The following KIF5C variants were observed in gnomAD, a reference collection of about 807,000 sequenced individuals.
KIF5C encodes kinesin family member 5C.
In KIF5C, 18 loss-of-function variants were observed where a neutral mutation model predicts 125.2. The observed-to-expected ratio is 0.14, with a 90% CI of 0.10 to 0.21. The LOEUF (loss-of-function observed/expected upper bound fraction) is 0.21. KIF5C is among the 10% of genes least tolerant of loss of function. The pLI, the probability that KIF5C is intolerant of heterozygous loss-of-function variation, is 1.00. For missense variants in KIF5C, 780 were observed against 1,183.8 expected, an observed-to-expected ratio of 0.66 and a Z score of 5.01; for synonymous variants, 405 against 434.0, an observed-to-expected ratio of 0.93 and a Z score of 0.83.
intron 25 of KIF5C, among the ~76,000 whole-genome samples, chr2:149,017,962 G>A (rs4283384): frequency 0.066 from 9,971 of 152,176 alleles, 919 homozygotes; most frequent in African/African-American, 0.2. Context: ...CCCGGAGTGC[G>A]TTGCTTCTTG....
At chr2:148,951,950 G>A (rs181072357) in intron 10 of KIF5C, among the ~76,000 whole-genome samples, 15 of 152,310 alleles carry the variant, frequency 9.8e-5, no homozygotes, top group African/African-American at 2.6e-4. Context: ...TTACACAGCC[G>A]TGGCACCTGT....
At chr2:149,004,011 C>T (rs947541746) in intron 21 of KIF5C, among the ~76,000 whole-genome samples, 9 of 152,224 alleles carry the variant, frequency 5.9e-5, no homozygotes, top group Admixed American at 2.0e-4. Flanking sequence ...GGGCCTGGGA[C>T]AGTGTGTCTG....
At position 148,968,757 on chromosome 2, in the gene KIF5C, AT is replaced by A. The variant is rs202023894; in HGVS notation, c.1118-4578del. The stretch of plus-strand genomic sequence containing the variant: ...TGCTATTTGCATGCAAAATAATCTC[AT>A]AAAAGAATGATTTTTTTTTTTTAAC... On this transcript the variant is annotated intron_variant, in intron 11 of 25. Transcript: ENST00000435030. Among the ~76,000 whole-genome samples the A allele has an allele frequency of 4.8e-5, 7 of 147,050 alleles. No homozygotes were observed. The East Asian group carries it at 1.4e-3, about 29-fold the overall frequency.
At chr2:148,965,429 C>A (rs1683026676) in intron 11 of KIF5C, among the ~76,000 whole-genome samples, 1 of 152,116 alleles carries the variant, frequency 6.6e-6, no homozygotes, top group South Asian at 2.1e-4. Flanking sequence ...CTCCTTTCCT[C>A]CCCAGCTAAC....
intron 14 of KIF5C, among the ~76,000 whole-genome samples, chr2:148,982,937 A>T (rs1681276906): frequency 6.6e-6 from 1 of 152,238 alleles, no homozygotes; most frequent in South Asian, 2.1e-4. Flanking sequence ...TTAGTTAAGA[A>T]TACATACCTT....
chr2:148,955,253 G>C (rs1004365164), intron 10 of KIF5C, among the ~76,000 whole-genome samples: 1 of 152,220 alleles, frequency 6.6e-6, no homozygotes, highest in African/African-American at 2.4e-5. Flanking sequence ...TTATATGTCA[G>C]CTTGGCTAGG....
rs1009327177 is a variant in KIF5C at position 149,023,120 on chromosome 2, A to T, written c.*50A>T. 1 of 151,996 alleles carries T rather than the reference A, an allele frequency of 6.6e-6. No individual in the cohort carries two copies. Among genetic ancestry groups the T allele is most frequent in the African/African-American group, 2.4e-5 (1 of 41,386 alleles). 9.4% of individuals were successfully genotyped at this position (151,996 alleles called of 1,614,324 possible). A position where few individuals can be genotyped will look rare whatever the true frequency, so the allele number is the denominator to read the frequency against. On this transcript the variant is annotated 3_prime_UTR_variant, in exon 26 of 26. Transcript: ENST00000435030. The stretch of plus-strand genomic sequence containing the variant: ...ATGTCAAGGACTACATTAATCACCA[A>T]TTCCTTTATTTTTCCCCCCCTACAG...
intron 2 of KIF5C, among the ~76,000 whole-genome samples, chr2:148,926,407 G>A (rs1558898559): frequency 6.6e-6 from 1 of 152,314 alleles, no homozygotes; most frequent in Non-Finnish European, 1.5e-5. Flanking sequence ...TTCTGTCTGC[G>A]GAGCGTGGCT....
intron 1 of KIF5C, chr2:148,878,928 A>AT (rs919036898): frequency 4.0e-4 from 61 of 152,278 alleles, no homozygotes; most frequent in African/African-American, 1.4e-3. Flanking sequence ...AACTGGGGTC[A>AT]TTTTTTCCCT....
At chr2:148,921,757 C>T (rs1681794630) in intron 1 of KIF5C, among the ~76,000 whole-genome samples, 1 of 152,094 alleles carries the variant, frequency 6.6e-6, no homozygotes, top group Non-Finnish European at 1.5e-5. Flanking sequence ...GCTATCTGCT[C>T]AACTTAATTG....
chr2:148,962,328 G>A (rs566797333), intron 11 of KIF5C, among the ~76,000 whole-genome samples: 10 of 150,148 alleles, frequency 6.7e-5, no homozygotes, highest in South Asian at 6.3e-4. Context: ...ACCACACCTG[G>A]CTAATTTTTG....
intron 2 of KIF5C, among the ~76,000 whole-genome samples, chr2:148,927,041 CAG>C (rs1467413014): frequency 3.3e-5 from 5 of 152,080 alleles, no homozygotes; most frequent in Non-Finnish European, 7.4e-5. Flanking sequence ...CAGCAAGAAA[CAG>C]ATTCTCCAAG....
At chr2:148,980,158 C>T (rs1416984264) in intron 13 of KIF5C, among the ~76,000 whole-genome samples, 1 of 152,136 alleles carries the variant, frequency 6.6e-6, no homozygotes, top group East Asian at 1.9e-4. Flanking sequence ...ATGATTACCT[C>T]CCCTGCCCAA....
At chr2:148,955,955 G>A (rs544064198) in intron 10 of KIF5C, among the ~76,000 whole-genome samples, 2 of 152,234 alleles carry the variant, frequency 1.3e-5, no homozygotes, top group Non-Finnish European at 2.9e-5. Flanking sequence ...AAATATCTTT[G>A]TGGTTATTCC....
At chr2:149,011,465 A>G in intron 24 of KIF5C, 105 bp from the exon 25 acceptor site, 1 of 1,457,892 alleles carries the variant, frequency 6.9e-7, no homozygotes, top group Non-Finnish European at 9.2e-7. Context: ...TACTGTTGGT[A>G]AGAATTGTGA....
chr2:148,919,119 A>G (rs1298613674), intron 1 of KIF5C, among the ~76,000 whole-genome samples: 1 of 152,228 alleles, frequency 6.6e-6, no homozygotes, highest in African/African-American at 2.4e-5. Flanking sequence ...GGACACCTAA[A>G]TGGAAATGTC....
chr2:148,922,175 C>T lies in KIF5C; in HGVS notation c.165C>T (p.Pro55=). The change falls in exon 2 of 26, where the codon CCC becomes CCT. Residue 55 remains proline (P), a synonymous_variant. Coordinates refer to ENST00000435030, the MANE Select transcript of KIF5C (RefSeq NM_004522.3). ...KPYVFDRVLP[P]NTTQEQVYNA... is the part of the protein sequence containing the mutation. The stretch of plus-strand genomic sequence containing the variant: ...ATGTCTTCGACAGAGTGCTACCTCC[C>T]AACACGACCCAAGAGCAGGTTTACA... The T allele has an allele frequency of 6.2e-7, 1 of 1,613,312 alleles. No individual in the cohort carries two copies. Among genetic ancestry groups the T allele is most frequent in the Non-Finnish European group, 8.5e-7 (1 of 1,179,636 alleles).
At chr2:148,928,415 T>C (rs1046081283) in intron 2 of KIF5C, among the ~76,000 whole-genome samples, 2 of 152,188 alleles carry the variant, frequency 1.3e-5, no homozygotes, top group African/African-American at 4.8e-5. Flanking sequence ...CAGTGATATT[T>C]GTGAGGATGA....
At chr2:148,894,668 T>C (rs1681787967) in intron 1 of KIF5C, among the ~76,000 whole-genome samples, 1 of 151,924 alleles carries the variant, frequency 6.6e-6, no homozygotes, top group African/African-American at 2.4e-5. Flanking sequence ...CAAGTTATTT[T>C]CAGCCAAAGC....
Sources: gnomAD v4.1 joint callset for allele counts (sites outside exome capture counted in the v4.1 genomes callset) on GRCh38, gnomAD v4.1.1 for gene constraint, MANE v1.5 for transcripts, NCBI Gene and HGNC (gene_info 2026-07-23, HGNC 2026-07-21) for gene names.